Variants in IGF2R observed in about 807,000 individuals in gnomAD.
IGF2R encodes the protein cation-independent mannose-6-phosphate receptor.
In IGF2R, 91 loss-of-function variants were observed where a neutral mutation model predicts 270.6. The ratio of observed to expected loss-of-function variants is 0.34; its 90% CI spans 0.28 to 0.40. The LOEUF (loss-of-function observed/expected upper bound fraction) is 0.40, where lower values mean the gene tolerates loss of function less well. Ranked by LOEUF, IGF2R falls within the 10% of genes least tolerant of loss-of-function variation. IGF2R has a pLI of 1.00. For missense variants in IGF2R, 2,805 were observed against 3,188.3 expected (o/e 0.88, Z 2.90); for synonymous variants, 1,316 against 1,258.9 (o/e 1.05, Z -0.96).
At chr6:160,055,354 C>T (rs1427661699) in intron 19 of IGF2R, among the ~76,000 whole-genome samples, 1 of 152,068 alleles carries the variant, frequency 6.6e-6, no homozygotes, top group African/African-American at 2.4e-5. Flanking sequence ...TCTGTGATAC[C>T]ATATTTAGTT....
intron 21 of IGF2R, 41 bp from the exon 22 acceptor site, chr6:160,058,865 G>A: frequency 7.1e-6 from 11 of 1,554,734 alleles, no homozygotes; most frequent in Non-Finnish European, 9.7e-6. Flanking sequence ...GAGATACGAG[G>A]CATAAATTTG....
chr6:160,073,971 C>T lies in IGF2R; in HGVS notation c.5162C>T (p.Pro1721Leu). Residue 1721 changes from proline (P) to leucine (L), a missense_variant, in exon 35 of 48, where the codon CCC becomes CTC. Transcript: ENST00000356956. ...AVCKVPIDGP[P>L]IDIGRVAGPP... is the part of the protein sequence containing the mutation. Reference sequence around the variant, plus strand: ...TGCAAAGTTCCTATTGATGGTCCCCCCATAGTAAGTATGACAAATCCAAGG... The same window carrying T: ...TGCAAAGTTCCTATTGATGGTCCCCTCATAGTAAGTATGACAAATCCAAGG... The T allele has an allele frequency of 1.9e-6, 3 of 1,608,750 alleles. No homozygotes were observed. Among genetic ancestry groups the T allele is most frequent in the Non-Finnish European group, 2.6e-6 (3 of 1,176,462 alleles).
intron 7 of IGF2R, among the ~76,000 whole-genome samples, chr6:160,030,036 C>T (rs903602750): frequency 6.6e-6 from 1 of 152,122 alleles, no homozygotes; most frequent in Non-Finnish European, 1.5e-5. Context: ...CCTGTGATTT[C>T]TTATGAGAAG....
At position 160,064,457 on chromosome 6, in the gene IGF2R, G is replaced by C. The variant is rs960227930; in HGVS notation, c.3943G>C (p.Gly1315Arg). Residue 1315 changes from glycine to arginine, a missense_variant, in exon 28 of 48, where the codon GGG (glycine) becomes CGG (arginine). Gly to Arg is a moderately radical substitution (Grantham distance 125). Around this residue, in one of 2 missense-constraint regions of IGF2R, gnomAD observed 1,851 missense variants for 2,207.2 expected, o/e 0.84. Transcript: ENST00000356956. Reference protein sequence around the residue: ...ENGLLKMNFTGGDTCHKVYQR... With the variant: ...ENGLLKMNFTRGDTCHKVYQR... ...TGGCTTGTTAAAAATGAACTTCACG[G>C]GGGGGGACACTTGCCATAAGGTTTA... The C allele has an allele frequency of 1.2e-6, 2 of 1,614,048 alleles. No homozygotes were observed. Among genetic ancestry groups the C allele is most frequent in the East Asian group, 2.2e-5 (1 of 44,872 alleles).
rs1554234618 is a variant in IGF2R, at chr6:159,980,210, A to AGAAGGAAAGAAG, written c.149+10818_149+10819insGGAAAGAAGGAA. ...AAGAAAGAAAGAAAGAAAGAAAGAA[A>AGAAGGAAAGAAG]GAAAGAAAGAAAGAAAGAAAGAAAG... On this transcript the variant is annotated intron_variant, in intron 1 of 47. Transcript: ENST00000356956. 7.4e-5 allele frequency among the ~76,000 whole-genome samples: 7 copies of AGAAGGAAAGAAG among 95,064 alleles called. 1 individual carries two copies. Among genetic ancestry groups the AGAAGGAAAGAAG allele is most frequent in the African/African-American group, 2.7e-4 (6 of 22,012 alleles). 62.4% of individuals were successfully genotyped at this position (95,064 alleles called of 152,430 possible). A position where few individuals can be genotyped will look rare whatever the true frequency, so the allele number is the denominator to read the frequency against.
At chr6:160,071,148 C>T (rs1341493424) in intron 31 of IGF2R, among the ~76,000 whole-genome samples, 13 of 147,902 alleles carry the variant, frequency 8.8e-5, no homozygotes, top group Admixed American at 2.0e-4. Flanking sequence ...CCTCTGTGCC[C>T]CAGACCCAGG....
chr6:160,080,103 A>G, intron 38 of IGF2R, 26 bp from the exon 39 acceptor site: 1 of 1,612,208 alleles, frequency 6.2e-7, no homozygotes, highest in Non-Finnish European at 8.5e-7. Context: ...CAGCTGCCAC[A>G]CTGATAATGT....
intron 1 of IGF2R, among the ~76,000 whole-genome samples, chr6:159,970,517 A>T (rs1783594043): frequency 6.6e-6 from 1 of 152,144 alleles, no homozygotes; most frequent in African/African-American, 2.4e-5. Flanking sequence ...AACATGCAGA[A>T]ATTAGTCTAA....
intron 4 of IGF2R, among the ~76,000 whole-genome samples, chr6:160,015,307 G>A (rs1174960788): frequency 6.6e-6 from 1 of 152,144 alleles, no homozygotes; most frequent in Non-Finnish European, 1.5e-5. Context: ...AATATTCTTT[G>A]GAAGAGGTAA....
intron 3 of IGF2R, among the ~76,000 whole-genome samples, chr6:160,009,656 TG>T (rs1401137386): frequency 3.3e-5 from 5 of 152,372 alleles, no homozygotes; most frequent in Admixed American, 2.0e-4. Flanking sequence ...GTTCTTATTA[TG>T]GGCATATTGT....
At chr6:160,016,325 G>T (rs1777300113) in intron 4 of IGF2R, among the ~76,000 whole-genome samples, 1 of 152,234 alleles carries the variant, frequency 6.6e-6, no homozygotes, top group Non-Finnish European at 1.5e-5. Context: ...GTTGGGGCCA[G>T]TGCTTGTCTC....
At chr6:159,979,546 C>T (rs1783747121) in intron 1 of IGF2R, among the ~76,000 whole-genome samples, 1 of 152,120 alleles carries the variant, frequency 6.6e-6, no homozygotes, top group South Asian at 2.1e-4. Flanking sequence ...GCTGGACATG[C>T]GGAGGGAGAG....
At chr6:160,038,979 A>T (rs1467094147) in intron 10 of IGF2R, among the ~76,000 whole-genome samples, 1 of 152,218 alleles carries the variant, frequency 6.6e-6, no homozygotes, top group Non-Finnish European at 1.5e-5. Flanking sequence ...TAAGCAAATT[A>T]TTTAGCCACC....
In IGF2R at chr6:160,080,140, G is replaced by A. The variant is rs373759284; in HGVS notation, c.5698G>A (p.Gly1900Ser). ...GDRCPPETDD[G>S]VPCVFPFIFN... ...CTTCTTCTTTCCAGAAACCGATGAC[G>A]GCGTCCCCTGTGTCTTCCCCTTCAT... The change falls in exon 39 of 48, where the codon GGC (glycine) becomes AGC (serine). Residue 1900 changes from glycine to serine, a missense_variant. Physicochemically the swap from Gly to Ser is moderately conservative, Grantham distance 56 (BLOSUM62 0). Transcript: ENST00000356956. 1.4e-5 allele frequency: 23 copies of A among 1,613,916 alleles called. No individual in the cohort carries two copies. The highest frequency in any genetic ancestry group is 1.8e-5 in the Non-Finnish European group (21 of 1,179,982).
chr6:160,046,141 G>T (rs546667622), intron 14 of IGF2R, among the ~76,000 whole-genome samples: 2 of 152,156 alleles, frequency 1.3e-5, no homozygotes, highest in Non-Finnish European at 2.9e-5. Flanking sequence ...AAAGGCTTTC[G>T]TGTGAATTCT....
chr6:159,994,761 C>G (rs577274306), intron 2 of IGF2R, among the ~76,000 whole-genome samples: 1 of 152,158 alleles, frequency 6.6e-6, no homozygotes, highest in South Asian at 2.1e-4. Flanking sequence ...GAGAGTTCTC[C>G]TCTTGGAATT....
rs937836412 is a variant in IGF2R at position 160,070,213 on chromosome 6, G to A, written c.4443+155G>A. Among the ~76,000 whole-genome samples, 6 of 152,216 alleles carry A rather than the reference G, an allele frequency of 3.9e-5. No homozygotes were observed. In the East Asian group the frequency reaches 5.8e-4, roughly 15 times the overall value. On this transcript the variant is annotated intron_variant, in intron 31 of 47. Coordinates refer to ENST00000356956, the MANE Select transcript of IGF2R (RefSeq NM_000876.4). ...CAGAGGTTGGGGGAACAGCGTCGCC[G>A]CGGCCTGCAATCTGGGGAACCCTCG...
intron 1 of IGF2R, among the ~76,000 whole-genome samples, chr6:159,970,137 G>A (rs1325304859): frequency 6.6e-6 from 1 of 151,916 alleles, no homozygotes; most frequent in Non-Finnish European, 1.5e-5. Context: ...AACCATGATT[G>A]TATAACCCAT....
At chr6:160,052,044 T>C (rs1240260079) in intron 19 of IGF2R, among the ~76,000 whole-genome samples, 1 of 150,232 alleles carries the variant, frequency 6.7e-6, no homozygotes. Context: ...ACCCCATCTC[T>C]ACAAAAAATT....
Sources: gnomAD v4.1 joint callset for allele counts (sites outside exome capture counted in the v4.1 genomes callset) on GRCh38, gnomAD v4.1.1 for gene constraint, gnomAD v4.1.1 regional missense constraint, MANE v1.5 for transcripts, NCBI Gene and HGNC (gene_info 2026-07-23, HGNC 2026-07-21) for gene names.